The following CHL1 variants were observed in gnomAD, a reference collection of about 807,000 sequenced individuals.
CHL1 encodes neural cell adhesion molecule L1-like protein.
Under a neutral mutation model 141.9 loss-of-function variants are expected in CHL1, and 96 were observed. The observed-to-expected ratio is 0.68, with a 90% CI of 0.57 to 0.80. The LOEUF (loss-of-function observed/expected upper bound fraction) is 0.80, where lower values mean the gene tolerates loss of function less well. CHL1 is among the 30% of genes least tolerant of loss of function. The pLI is 0.00. For synonymous variants in CHL1, 613 were observed against 502.2 expected (o/e 1.22, Z -2.95); for missense variants, 1,820 against 1,457.2 (o/e 1.25, Z -4.05).
At position 354,878 on chromosome 3, in the gene CHL1, G is replaced by A. The variant is rs937404371; in HGVS notation, c.1165+107G>A. The A allele has an allele frequency of 3.7e-6, 5 of 1,361,106 alleles. No individual in the cohort carries two copies. In the African/African-American group the frequency reaches 7.3e-5, roughly 20 times the overall value. The allele number at this position is 1,361,106 out of a possible 1,614,324, so 84.3% of individuals were successfully genotyped here. On this transcript the variant is annotated intron_variant, in intron 11 of 27. Transcript: ENST00000256509. Reference sequence around the variant, plus strand: ...AAGTTGGTATGTGGTTGGATTAGCAGGACAGATACAACCAGCAAATCAGAG... The same window carrying A: ...AAGTTGGTATGTGGTTGGATTAGCAAGACAGATACAACCAGCAAATCAGAG...
chr3:219,415 C>T (rs1448951283), intron 1 of CHL1, among the ~76,000 whole-genome samples: 2 of 152,088 alleles, frequency 1.3e-5, no homozygotes, highest in African/African-American at 4.8e-5. Flanking sequence ...ATAGCAAAGA[C>T]ATAAAATCAA....
At chr3:321,022 T>C (rs1007745069) in intron 3 of CHL1, among the ~76,000 whole-genome samples, 2 of 152,090 alleles carry the variant, frequency 1.3e-5, no homozygotes, top group Admixed American at 6.6e-5. Context: ...TAGAAAAGTG[T>C]TGGGACTTAA....
In CHL1 at chr3:297,434, A is replaced by AT. The variant is rs557718610; in HGVS notation, c.-94-22249_-94-22248insT. 4.5e-3 allele frequency among the ~76,000 whole-genome samples: 685 copies of AT among 152,254 alleles called. 11 individuals carry two copies. Among genetic ancestry groups the AT allele is most frequent in the African/African-American group, 0.016 (653 of 41,554 alleles). Reference sequence around the variant, plus strand: ...ATTAGACTATTTTGGCATTATTGGCAGGTTTAATGTAAAATGAGATTTGTG... The same window carrying AT: ...ATTAGACTATTTTGGCATTATTGGCATGGTTTAATGTAAAATGAGATTTGTG... On this transcript the variant is annotated intron_variant, in intron 2 of 27. Transcript: ENST00000256509.
chr3:212,686 C>A (rs527919126), intron 1 of CHL1, among the ~76,000 whole-genome samples: 1 of 152,300 alleles, frequency 6.6e-6, no homozygotes, highest in South Asian at 2.1e-4. Flanking sequence ...CAGCTGGAGT[C>A]AGCCTTCATT....
chr3:400,785 G>A (rs1447895107), intron 26 of CHL1, among the ~76,000 whole-genome samples: 1 of 151,714 alleles, frequency 6.6e-6, no homozygotes, highest in African/African-American at 2.4e-5. Context: ...CTGGGCGACA[G>A]AGTGAGACTG....
At position 285,019 on chromosome 3, in the gene CHL1, T is replaced by G. The variant is rs1470132094; in HGVS notation, c.-94-34664T>G. ...TGTCTAAAATGAACTATTTTGCATA[T>G]GCTTGCCTTATGAAAGTAGGCTTAT... On this transcript the variant is annotated intron_variant, in intron 2 of 27. Coordinates refer to ENST00000256509, the MANE Select transcript of CHL1 (RefSeq NM_006614.4). Among the ~76,000 whole-genome samples the G allele has an allele frequency of 2.6e-5, 4 of 152,264 alleles. No homozygotes were observed. The East Asian group carries it at 7.7e-4, about 29-fold the overall frequency.
At chr3:294,706 G>A (rs1698024481) in intron 2 of CHL1, among the ~76,000 whole-genome samples, 1 of 151,564 alleles carries the variant, frequency 6.6e-6, no homozygotes, top group Non-Finnish European at 1.5e-5. Context: ...ACAAAAAATG[G>A]AAACTAATAT....
At chr3:309,785 G>A (rs375799882) in intron 2 of CHL1, among the ~76,000 whole-genome samples, 6 of 152,252 alleles carry the variant, frequency 3.9e-5, no homozygotes, top group African/African-American at 1.4e-4. Context: ...AAAGTGCTAG[G>A]AATACAAGCA....
At chr3:324,762 A>AT (rs894302334) in intron 3 of CHL1, among the ~76,000 whole-genome samples, 2 of 151,844 alleles carry the variant, frequency 1.3e-5, no homozygotes, top group Non-Finnish European at 2.9e-5. Context: ...TAATTTTTAC[A>AT]TTTTTTTGTA....
intron 5 of CHL1, among the ~76,000 whole-genome samples, chr3:336,653 C>G (rs1701888389): frequency 6.6e-6 from 1 of 152,168 alleles, no homozygotes; most frequent in Non-Finnish European, 1.5e-5. Flanking sequence ...AGTTAGTTTT[C>G]TAGTGCCTGG....
chr3:297,768 A>G (rs531955500), intron 2 of CHL1, among the ~76,000 whole-genome samples: 30 of 152,238 alleles, frequency 2.0e-4, no homozygotes, highest in African/African-American at 7.0e-4. Flanking sequence ...CTTCAAAGAG[A>G]GCTCCGTTCT....
At chr3:340,947 G>C (rs777240800) in intron 6 of CHL1, 31 bp downstream of exon 6, 1 of 1,591,848 alleles carries the variant, frequency 6.3e-7, no homozygotes, top group South Asian at 1.2e-5. Context: ...TCAAAAAAGG[G>C]GGACATTTTA....
At chr3:247,306 T>A (rs1693259801) in intron 2 of CHL1, 1 of 152,038 alleles carries the variant, frequency 6.6e-6, no homozygotes, top group African/African-American at 2.4e-5. Flanking sequence ...GAGCTGCACA[T>A]ACGGCACAAA....
intron 1 of CHL1, among the ~76,000 whole-genome samples, chr3:216,632 A>G (rs747729543): frequency 1.3e-5 from 2 of 152,204 alleles, no homozygotes; most frequent in Non-Finnish European, 2.9e-5. Context: ...ATCACTGCCA[A>G]CTACCCATGG....
At chr3:396,632 TG>T (rs1390214362) in intron 24 of CHL1, among the ~76,000 whole-genome samples, 2 of 152,164 alleles carry the variant, frequency 1.3e-5, no homozygotes, top group East Asian at 3.8e-4. Flanking sequence ...ATGTGCTGCA[TG>T]TCTTAAAGAA....
chr3:233,974 G>A (rs1691668789), intron 1 of CHL1, among the ~76,000 whole-genome samples: 1 of 151,914 alleles, frequency 6.6e-6, no homozygotes, highest in Admixed American at 6.6e-5. Flanking sequence ...AAAAATCTAT[G>A]TTAGAATATT....
At position 329,944 on chromosome 3, in the gene CHL1, A is replaced by G. The variant is rs191985492; in HGVS notation, c.385+1590A>G. On this transcript the variant is annotated intron_variant, in intron 5 of 27. Transcript: ENST00000256509. ...TAGACAAATTCACCATAATAATGAGATATTAACATATCTTTTTCATTATTT... is the reference window on the plus strand; with the variant it reads ...TAGACAAATTCACCATAATAATGAGGTATTAACATATCTTTTTCATTATTT... Among the ~76,000 whole-genome samples, 34 of 152,226 alleles carry G rather than the reference A, an allele frequency of 2.2e-4. 1 individual carries two copies. In the East Asian group the frequency reaches 6.0e-3, roughly 27 times the overall value.
At chr3:363,435 G>C (rs1299038333) in intron 14 of CHL1, 52 bp downstream of exon 14, 1 of 1,487,494 alleles carries the variant, frequency 6.7e-7, no homozygotes, top group Non-Finnish European at 9.2e-7. Context: ...GGTTCAGTCT[G>C]TCTTCATTTG....
In CHL1 at chr3:407,113, A is replaced by G. The variant is rs1709577236; in HGVS notation, c.*1402A>G. The G allele has an allele frequency of 6.6e-6, 1 of 152,132 alleles. No homozygotes were observed. The highest frequency in any genetic ancestry group is 2.1e-4 in the South Asian group (1 of 4,826). 9.4% of individuals were successfully genotyped at this position (152,132 alleles called of 1,614,324 possible). On this transcript the variant is annotated 3_prime_UTR_variant, in exon 28 of 28. Coordinates refer to ENST00000256509, the MANE Select transcript of CHL1 (RefSeq NM_006614.4). ...TACATGAACATGTTTTAGAAACAAT[A>G]TGGAGGATGATGCATACATGTCGGT... is the stretch of plus-strand genomic sequence containing the variant.
Sources: allele counts gnomAD v4.1 joint callset (sites outside exome capture counted in the v4.1 genomes callset), GRCh38; gene constraint gnomAD v4.1.1; transcripts MANE v1.5; gene names NCBI Gene and HGNC (gene_info 2026-07-23, HGNC 2026-07-21).